AGBL4: variants seen among roughly 807,000 people sequenced by gnomAD.
AGBL4 encodes the protein cytosolic carboxypeptidase 6.
AGBL4 carries 58 observed loss-of-function variants against 66.4 expected under a neutral mutation model. That is an observed-to-expected ratio of 0.87 (90% CI 0.71 to 1.09). The LOEUF (loss-of-function observed/expected upper bound fraction) is 1.09. Among genes scored for constraint, AGBL4 ranks in the 50% least tolerant of loss-of-function variants. AGBL4 has a pLI of 0.00. For synonymous variants in AGBL4, 234 were observed against 222.9 expected, an observed-to-expected ratio of 1.05 and a Z score of -0.44; for missense variants, 579 against 631.0, an observed-to-expected ratio of 0.92 and a Z score of 0.88.
At chr1:48,832,774 C>G (rs1646584645) in intron 6 of AGBL4, among the ~76,000 whole-genome samples, 1 of 152,076 alleles carries the variant, frequency 6.6e-6, no homozygotes, top group African/African-American at 2.4e-5. Flanking sequence ...CTGTTAAGAG[C>G]CTGGATAGAA....
At chr1:49,758,636 T>G (rs2147856191) in intron 2 of AGBL4, among the ~76,000 whole-genome samples, 1 of 152,280 alleles carries the variant, frequency 6.6e-6, no homozygotes, top group African/African-American at 2.4e-5. Flanking sequence ...CCCCCTTGTT[T>G]TGGCTAATTT....
At chr1:49,422,176 A>T (rs910983877) in intron 3 of AGBL4, among the ~76,000 whole-genome samples, 6 of 152,186 alleles carry the variant, frequency 3.9e-5, no homozygotes. Context: ...CAGGCACAAA[A>T]AATTATGAGA....
At chr1:49,393,378 T>G (rs1644890152) in intron 3 of AGBL4, among the ~76,000 whole-genome samples, 1 of 152,218 alleles carries the variant, frequency 6.6e-6, no homozygotes, top group African/African-American at 2.4e-5. Flanking sequence ...GATTGTACAA[T>G]CTGGTGCAAA....
chr1:48,598,736 G>A (rs950817279), intron 9 of AGBL4, among the ~76,000 whole-genome samples: 1 of 151,846 alleles, frequency 6.6e-6, no homozygotes, highest in South Asian at 2.1e-4. Flanking sequence ...GCACAATCTC[G>A]GCTCACTGGG....
chr1:49,847,767 T>C (rs1646190494), intron 2 of AGBL4, among the ~76,000 whole-genome samples: 1 of 151,736 alleles, frequency 6.6e-6, no homozygotes, highest in African/African-American at 2.4e-5. Flanking sequence ...AGTGGCGCGA[T>C]CTCGGCTCAC....
chr1:49,881,024 A>T (rs1647243350), intron 1 of AGBL4, among the ~76,000 whole-genome samples: 1 of 152,048 alleles, frequency 6.6e-6, no homozygotes, highest in Non-Finnish European at 1.5e-5. Flanking sequence ...AGGCTCGCGC[A>T]CAGTGCGCGC....
intron 3 of AGBL4, among the ~76,000 whole-genome samples, chr1:49,587,022 T>C (rs533851277): frequency 6.6e-6 from 1 of 152,184 alleles, no homozygotes; most frequent in East Asian, 1.9e-4. Context: ...TTTGAGTGGA[T>C]CACCTGAGGT....
At chr1:49,589,283 C>T (rs1305260254) in intron 3 of AGBL4, among the ~76,000 whole-genome samples, 1 of 152,038 alleles carries the variant, frequency 6.6e-6, no homozygotes, top group African/African-American at 2.4e-5. Context: ...ATTCCCAATC[C>T]TAATTATATG....
chr1:49,736,024 A>G (rs537227908), intron 2 of AGBL4, among the ~76,000 whole-genome samples: 1 of 152,252 alleles, frequency 6.6e-6, no homozygotes, highest in African/African-American at 2.4e-5. Context: ...AATTTAATAG[A>G]GCCACAGAAA....
chr1:49,827,929 T>C (rs990955559), intron 2 of AGBL4, among the ~76,000 whole-genome samples: 2 of 152,220 alleles, frequency 1.3e-5, no homozygotes, highest in African/African-American at 4.8e-5. Context: ...TATTCCATCA[T>C]TTCTAAGATA....
At chr1:48,950,531 G>C (rs1389868265) in intron 5 of AGBL4, among the ~76,000 whole-genome samples, 1 of 152,216 alleles carries the variant, frequency 6.6e-6, no homozygotes, top group Non-Finnish European at 1.5e-5. Flanking sequence ...TTGATCCCTA[G>C]CTGTATCCTC....
intron 3 of AGBL4, among the ~76,000 whole-genome samples, chr1:49,376,942 G>A (rs922709445): frequency 3.9e-5 from 6 of 152,100 alleles, no homozygotes; most frequent in African/African-American, 1.4e-4. Flanking sequence ...TTCAATAAAT[G>A]TTTGATGAAT....
intron 3 of AGBL4, among the ~76,000 whole-genome samples, chr1:49,441,586 G>A (rs1471188664): frequency 3.3e-5 from 5 of 152,098 alleles, no homozygotes; most frequent in Non-Finnish European, 5.9e-5. Context: ...TACCCTTGAC[G>A]AATGCCTTGA....
At chr1:49,546,260 T>C (rs1412109597) in intron 3 of AGBL4, among the ~76,000 whole-genome samples, 2 of 151,798 alleles carry the variant, frequency 1.3e-5, no homozygotes, top group African/African-American at 2.4e-5. Context: ...TATGTGTGTG[T>C]ATATATATGT....
chr1:48,931,450 C>G (rs1655026862), intron 5 of AGBL4, among the ~76,000 whole-genome samples: 1 of 152,146 alleles, frequency 6.6e-6, no homozygotes, highest in African/African-American at 2.4e-5. Context: ...TCTCTGTCCA[C>G]CCTATCTCAA....
intron 6 of AGBL4, among the ~76,000 whole-genome samples, chr1:48,793,561 A>C (rs754540406): frequency 6.6e-6 from 1 of 152,154 alleles, no homozygotes; most frequent in Non-Finnish European, 1.5e-5. Context: ...AAGGGGAAGG[A>C]GATGTGAATT....
At chr1:49,825,045 C>T (rs981894152) in intron 2 of AGBL4, among the ~76,000 whole-genome samples, 1 of 152,180 alleles carries the variant, frequency 6.6e-6, no homozygotes, top group African/African-American at 2.4e-5. Context: ...AGTAACCACC[C>T]TGATAAGTCA....
chr1:49,677,547 T>C (rs1646604733), intron 3 of AGBL4, among the ~76,000 whole-genome samples: 1 of 152,130 alleles, frequency 6.6e-6, no homozygotes, highest in Non-Finnish European at 1.5e-5. Context: ...TGTAGTTTTA[T>C]CTTTTTAACT....
intron 11 of AGBL4, among the ~76,000 whole-genome samples, chr1:48,544,217 T>C (rs575094169): frequency 1.3e-5 from 2 of 152,200 alleles, no homozygotes; most frequent in Non-Finnish European, 2.9e-5. Context: ...GCATGACCTC[T>C]CTGAGCAGCA....
Sources: allele counts gnomAD v4.1 joint callset (sites outside exome capture counted in the v4.1 genomes callset), GRCh38; gene constraint gnomAD v4.1.1; transcripts MANE v1.5; gene names NCBI Gene and HGNC (gene_info 2026-07-23, HGNC 2026-07-21).